RBM34: variants seen among roughly 807,000 people sequenced by gnomAD.
RBM34 encodes the protein RNA-binding protein 34.
A neutral mutation model predicts 44.6 loss-of-function variants in RBM34; 39 were observed. That is an observed-to-expected ratio of 0.87 (90% CI 0.68 to 1.14). The LOEUF is 1.14. Among genes scored for constraint, RBM34 ranks in the 50% most tolerant of loss-of-function variants. RBM34 has a pLI of 0.00. For missense variants in RBM34, 572 were observed against 517.9 expected (o/e 1.10, Z -1.01); for synonymous variants, 194 against 184.0 (o/e 1.05, Z -0.44).
At position 235,160,645 on chromosome 1, in the gene RBM34, T is replaced by C. The variant is rs1168728744; in HGVS notation, c.231A>G (p.Gln77=). The C allele has an allele frequency of 6.2e-7, 1 of 1,610,064 alleles. No homozygotes were observed. The highest frequency in any genetic ancestry group is 8.5e-7 in the Non-Finnish European group (1 of 1,179,076). ...IQPVYVPVPK[Q]TIKKTKRNEE... The stretch of plus-strand genomic sequence containing the variant: ...CATTCCGTTTCGTTTTTTTGATGGT[T>C]TGCTTTTTAAAAGTTTGAAGTTATA... Residue 77 remains glutamine (Q), a splice_region_variant and synonymous_variant, in exon 3 of 11, where the codon CAA becomes CAG. Transcript: ENST00000408888.
chr1:235,141,757 G>A (rs181013747), intron 6 of RBM34, among the ~76,000 whole-genome samples: 2 of 152,156 alleles, frequency 1.3e-5, no homozygotes, highest in East Asian at 1.9e-4. Context: ...AACTCCAGAC[G>A]CGCTGCCTTA....
chr1:235,137,860 A>C lies in RBM34; in HGVS notation c.849+17T>G. The C allele has an allele frequency of 6.4e-7, 1 of 1,564,818 alleles. No homozygotes were observed. On this transcript the variant is annotated intron_variant, in intron 8 of 10. Coordinates refer to ENST00000408888, the MANE Select transcript of RBM34 (RefSeq NM_015014.4). The stretch of plus-strand genomic sequence containing the variant: ...CTACAAAGCTCTCGTTCTTTAAACA[A>C]ATCAAGTACTACTTACAGATGAGGT...
intron 6 of RBM34, among the ~76,000 whole-genome samples, chr1:235,145,653 C>T (rs1661871003): frequency 2.0e-5 from 3 of 152,176 alleles, no homozygotes; most frequent in African/African-American, 7.2e-5. Context: ...GCAATCTCTA[C>T]GAGACAGCAG....
intron 3 of RBM34, among the ~76,000 whole-genome samples, chr1:235,157,091 G>A (rs1449337403): frequency 1.3e-5 from 2 of 152,186 alleles, no homozygotes; most frequent in African/African-American, 4.8e-5. Flanking sequence ...GAGACCTTCA[G>A]TGTTACACGA....
chr1:235,143,717 G>A (rs141193312), intron 6 of RBM34, among the ~76,000 whole-genome samples: 2 of 152,094 alleles, frequency 1.3e-5, no homozygotes, highest in Non-Finnish European at 2.9e-5. Flanking sequence ...CAGCCTGAGC[G>A]ACAGAGCAAG....
At chr1:235,155,852 T>TATACATATATATATATATATATATAC (rs1558149296) in intron 3 of RBM34, among the ~76,000 whole-genome samples, 1 of 42,012 alleles carries the variant, frequency 2.4e-5, no homozygotes, top group African/African-American at 1.3e-4. Context: ...TATATATATA[T>TATACATATATATATATATATATATAC]ATATATATAT....
intron 6 of RBM34, among the ~76,000 whole-genome samples, chr1:235,142,522 G>A (rs1259273081): frequency 6.6e-6 from 1 of 151,632 alleles, no homozygotes; most frequent in African/African-American, 2.4e-5. Flanking sequence ...CAGGTGATCC[G>A]CCCACCTTGA....
intron 8 of RBM34, among the ~76,000 whole-genome samples, chr1:235,136,771 C>G (rs1661449460): frequency 6.6e-6 from 1 of 152,266 alleles, no homozygotes; most frequent in Admixed American, 6.5e-5. Flanking sequence ...CCAGACTCCT[C>G]TGTGTGAAGC....
At chr1:235,134,889 C>A (rs1436052285) in intron 10 of RBM34, among the ~76,000 whole-genome samples, 1 of 150,298 alleles carries the variant, frequency 6.7e-6, no homozygotes, top group East Asian at 2.0e-4. Context: ...GGATTACAGG[C>A]ATGTGCCACC....
At position 235,131,863 on chromosome 1, in the gene RBM34, A is replaced by G. The variant is rs369723742; in HGVS notation, c.1143T>C (p.Ser381=). ...QNSNPRLKNV[S]KPKQGLNFTS... is the part of the protein sequence containing the mutation. ...TAAAATTAAGTCCCTGCTTAGGTTT[A>G]CTGACATTCTTCAATCGTGGATTTG... The change falls in exon 11 of 11, where the codon AGT becomes AGC. Residue 381 remains serine, a synonymous_variant. Coordinates refer to ENST00000408888, the MANE Select transcript of RBM34 (RefSeq NM_015014.4). 7.5e-5 allele frequency: 121 copies of G among 1,614,054 alleles called. 1 individual carries two copies. The highest frequency in any genetic ancestry group is 9.5e-5 in the Non-Finnish European group (112 of 1,180,038).
chr1:235,157,278 G>A (rs1572169962), intron 3 of RBM34, among the ~76,000 whole-genome samples: 1 of 152,286 alleles, frequency 6.6e-6, no homozygotes, highest in African/African-American at 2.4e-5. Flanking sequence ...TGACCAGACT[G>A]ACCAGAGCAG....
At chr1:235,132,332 C>T (rs915622843) in intron 10 of RBM34, among the ~76,000 whole-genome samples, 6 of 151,398 alleles carry the variant, frequency 4.0e-5, no homozygotes, top group Admixed American at 1.3e-4. Context: ...TTTTTTGAGA[C>T]GGAATCTCGC....
At chr1:235,153,926 T>C (rs1043413922) in intron 4 of RBM34, among the ~76,000 whole-genome samples, 1 of 152,154 alleles carries the variant, frequency 6.6e-6, no homozygotes, top group Non-Finnish European at 1.5e-5. Context: ...ATATTTACTA[T>C]GCACAAGGCA....
chr1:235,132,085 G>C, intron 10 of RBM34, 88 bp from the exon 11 acceptor site: 1 of 1,289,126 alleles, frequency 7.8e-7, no homozygotes, highest in East Asian at 2.3e-5. Flanking sequence ...AGATGAGAAC[G>C]ACTTTCAAGC....
At chr1:235,155,850 T>TATACAC (rs1266368223) in intron 3 of RBM34, among the ~76,000 whole-genome samples, 1 of 28,812 alleles carries the variant, frequency 3.5e-5, no homozygotes, top group Non-Finnish European at 6.0e-5. Context: ...TATATATATA[T>TATACAC]ATATATATAT....
At chr1:235,155,822 CAT>C (rs1172462826) in intron 3 of RBM34, among the ~76,000 whole-genome samples, 1,672 of 63,320 alleles carry the variant, frequency 0.026, 17 homozygotes, top group Non-Finnish European at 0.034. Context: ...CATACATATA[CAT>C]ATATATATAT....
intron 8 of RBM34, among the ~76,000 whole-genome samples, chr1:235,136,523 T>C (rs745448905): frequency 2.0e-5 from 3 of 152,218 alleles, no homozygotes; most frequent in Non-Finnish European, 4.4e-5. Flanking sequence ...GCACGTAGAT[T>C]TGGCTCTCTG....
chr1:235,142,515 G>A (rs1303814573), intron 6 of RBM34, among the ~76,000 whole-genome samples: 1 of 151,842 alleles, frequency 6.6e-6, no homozygotes, highest in Non-Finnish European at 1.5e-5. Flanking sequence ...CTGACCTCAG[G>A]TGATCCGCCC....
intron 6 of RBM34, among the ~76,000 whole-genome samples, chr1:235,141,019 C>T (rs1439757085): frequency 2.0e-5 from 3 of 151,606 alleles, no homozygotes; most frequent in Non-Finnish European, 2.9e-5. Context: ...GTGCACCAAT[C>T]GACACTCAGT....
Sources: gnomAD v4.1 joint callset for allele counts (sites outside exome capture counted in the v4.1 genomes callset) on GRCh38, gnomAD v4.1.1 for gene constraint, MANE v1.5 for transcripts, NCBI Gene and HGNC (gene_info 2026-07-23, HGNC 2026-07-21) for gene names.